CSMD1: variants seen among roughly 807,000 people sequenced by gnomAD.
CSMD1 encodes the protein CUB and Sushi multiple domains 1.
In CSMD1, 213 loss-of-function variants were observed where a neutral mutation model predicts 417.5. That is an observed-to-expected ratio of 0.51 (90% CI 0.46 to 0.57). The LOEUF (loss-of-function observed/expected upper bound fraction) is 0.57, where lower values mean the gene tolerates loss of function less well. CSMD1 is among the 20% of genes least tolerant of loss of function. CSMD1 has a pLI of 0.00. For missense variants in CSMD1, 6,923 were observed against 4,529.7 expected (o/e 1.53, Z -15.17); for synonymous variants, 2,862 against 1,736.8 (o/e 1.65, Z -16.11).
At chr8:4,269,663 T>C (rs1242428847) in intron 3 of CSMD1, among the ~76,000 whole-genome samples, 2 of 152,190 alleles carry the variant, frequency 1.3e-5, no homozygotes, top group Non-Finnish European at 2.9e-5. Flanking sequence ...GGTTGCCTGA[T>C]CCAAAATAAA....
intron 7 of CSMD1, among the ~76,000 whole-genome samples, chr8:3,655,957 T>G (rs577881343): frequency 6.6e-6 from 1 of 152,292 alleles, no homozygotes; most frequent in Admixed American, 6.5e-5. Flanking sequence ...CTCTGATTCC[T>G]GTCCCACCTG....
chr8:3,902,317 C>A (rs1209788129), intron 5 of CSMD1, among the ~76,000 whole-genome samples: 3 of 152,138 alleles, frequency 2.0e-5, no homozygotes, highest in Non-Finnish European at 4.4e-5. Flanking sequence ...CCAACTATTA[C>A]CCAGTAAGGA....
intron 3 of CSMD1, among the ~76,000 whole-genome samples, chr8:4,399,209 G>T (rs987612969): frequency 3.9e-5 from 6 of 152,144 alleles, no homozygotes; most frequent in African/African-American, 7.2e-5. Context: ...TTTACTATGT[G>T]TTTAAATATA....
At chr8:4,747,891 G>C (rs1811059624) in intron 1 of CSMD1, among the ~76,000 whole-genome samples, 2 of 152,172 alleles carry the variant, frequency 1.3e-5, no homozygotes, top group South Asian at 2.1e-4. Flanking sequence ...ATCTGTTGTT[G>C]CTTTAAGCAA....
At chr8:4,256,660 C>T (rs1803474977) in intron 3 of CSMD1, among the ~76,000 whole-genome samples, 1 of 152,112 alleles carries the variant, frequency 6.6e-6, no homozygotes, top group African/African-American at 2.4e-5. Context: ...TCACAGATGG[C>T]TAATGTGACT....
chr8:3,115,537 A>G (rs760772476), intron 42 of CSMD1, among the ~76,000 whole-genome samples: 32 of 152,024 alleles, frequency 2.1e-4, no homozygotes, highest in Non-Finnish European at 4.0e-4. Flanking sequence ...TTTAACTGAG[A>G]CTTCTGTGTA....
At chr8:4,452,601 AAAGAT>A (rs1170428257) in intron 2 of CSMD1, among the ~76,000 whole-genome samples, 1 of 152,256 alleles carries the variant, frequency 6.6e-6, no homozygotes, top group Admixed American at 6.5e-5. Context: ...CGGTAACGAA[AAAGAT>A]AATAGTTTTT....
At chr8:4,375,230 G>A (rs1331092149) in intron 3 of CSMD1, among the ~76,000 whole-genome samples, 2 of 152,052 alleles carry the variant, frequency 1.3e-5, no homozygotes, top group Non-Finnish European at 2.9e-5. Context: ...AGTTTGGATG[G>A]TCTTAGAATA....
intron 5 of CSMD1, among the ~76,000 whole-genome samples, chr8:3,893,116 C>G (rs963977568): frequency 6.6e-6 from 1 of 151,714 alleles, no homozygotes. Context: ...AAAAACATGA[C>G]AAAATCATCC....
chr8:3,968,383 G>T (rs974612756), intron 5 of CSMD1, among the ~76,000 whole-genome samples: 17 of 152,214 alleles, frequency 1.1e-4, no homozygotes, highest in Middle Eastern at 3.4e-3. Flanking sequence ...AGCTCAGTGT[G>T]GTCACTGAGC....
intron 6 of CSMD1, among the ~76,000 whole-genome samples, chr8:3,723,570 T>C (rs1802309827): frequency 6.6e-6 from 1 of 152,230 alleles, no homozygotes; most frequent in Non-Finnish European, 1.5e-5. Flanking sequence ...TAAACAATTA[T>C]TAGATAGTCT....
At chr8:3,808,785 G>C (rs995430496) in intron 5 of CSMD1, among the ~76,000 whole-genome samples, 6 of 152,124 alleles carry the variant, frequency 3.9e-5, no homozygotes, top group Admixed American at 6.6e-5. Flanking sequence ...AGTTTGTCTC[G>C]GAATTGGAAA....
intron 7 of CSMD1, among the ~76,000 whole-genome samples, chr8:3,707,031 C>T (rs1252379029): frequency 6.6e-6 from 1 of 151,820 alleles, no homozygotes; most frequent in African/African-American, 2.4e-5. Context: ...CACCTAAGAC[C>T]AGAGGGGTAG....
chr8:3,596,467 C>T (rs912277926), intron 8 of CSMD1, among the ~76,000 whole-genome samples: 42 of 152,162 alleles, frequency 2.8e-4, no homozygotes, highest in African/African-American at 9.2e-4. Context: ...TCAGAGGGCC[C>T]TCTGCTCAGC....
At chr8:3,765,602 T>G (rs546101989) in intron 5 of CSMD1, among the ~76,000 whole-genome samples, 1 of 152,230 alleles carries the variant, frequency 6.6e-6, no homozygotes, top group Non-Finnish European at 1.5e-5. Flanking sequence ...CTTTTATTTT[T>G]GCTCCTAATG....
intron 6 of CSMD1, among the ~76,000 whole-genome samples, chr8:3,729,717 T>C (rs1289571369): frequency 6.6e-6 from 1 of 151,942 alleles, no homozygotes; most frequent in Non-Finnish European, 1.5e-5. Flanking sequence ...TCCCTATCAC[T>C]TCCACCAAAG....
At chr8:3,841,387 C>G (rs147349916) in intron 5 of CSMD1, among the ~76,000 whole-genome samples, 1 of 152,116 alleles carries the variant, frequency 6.6e-6, no homozygotes, top group Non-Finnish European at 1.5e-5. Context: ...CAACCTCAAG[C>G]AATGTGTTTG....
chr8:3,740,756 G>T (rs563603640), intron 6 of CSMD1, among the ~76,000 whole-genome samples: 44 of 152,156 alleles, frequency 2.9e-4, no homozygotes, highest in Non-Finnish European at 6.2e-4. Flanking sequence ...ACAAAGGAAA[G>T]CAAAGGAAAA....
At chr8:4,357,141 G>C (rs557945077) in intron 3 of CSMD1, among the ~76,000 whole-genome samples, 66 of 152,128 alleles carry the variant, frequency 4.3e-4, no homozygotes, top group African/African-American at 1.6e-3. Flanking sequence ...ATTCACTTTG[G>C]TATATGATCT....
Sources: allele counts gnomAD v4.1 joint callset (sites outside exome capture counted in the v4.1 genomes callset), GRCh38; gene constraint gnomAD v4.1.1; transcripts MANE v1.5; gene names NCBI Gene and HGNC (gene_info 2026-07-23, HGNC 2026-07-21).